Variants in PACRG observed in about 807,000 individuals in gnomAD.
PACRG encodes parkin coregulated, also known as parkin coregulated gene protein.
Under a neutral mutation model 29.7 loss-of-function variants are expected in PACRG, and 29 were observed. The observed-to-expected ratio is 0.98, with a 90% confidence interval of 0.73 to 1.33. The LOEUF is 1.33. PACRG is among the 40% of genes most tolerant of loss of function. The pLI, the probability that PACRG is intolerant of heterozygous loss-of-function variation, is 0.00. For synonymous variants in PACRG, 116 were observed against 118.7 expected, an observed-to-expected ratio of 0.98 and a Z score of 0.15; for missense variants, 279 against 316.2, an observed-to-expected ratio of 0.88 and a Z score of 0.89.
chr6:163,260,166 T>A (rs566445983), intron 4 of PACRG, among the ~76,000 whole-genome samples: 1 of 152,302 alleles, frequency 6.6e-6, no homozygotes, highest in African/African-American at 2.4e-5. Context: ...CCCAAGCACT[T>A]CCATGGAGCT....
rs552383803 is a variant in PACRG at position 163,273,104 on chromosome 6, G to A, written c.614-41723G>A. On this transcript the variant is annotated intron_variant, in intron 4 of 4. Transcript: ENST00000366888. Reference sequence around the variant, plus strand: ...GAGACGGGGTTTCACCGTTTTAGCCGGGATGGTCTCGATCTCCTGACCTCG... The same window carrying A: ...GAGACGGGGTTTCACCGTTTTAGCCAGGATGGTCTCGATCTCCTGACCTCG... Among the ~76,000 whole-genome samples the A allele has an allele frequency of 4.8e-5, 7 of 145,976 alleles. No individual in the cohort carries two copies. In the South Asian group the frequency reaches 6.3e-4, roughly 13 times the overall value.
intron 2 of PACRG, among the ~76,000 whole-genome samples, chr6:163,049,198 G>C (rs1222425429): frequency 1.2e-4 from 18 of 151,978 alleles, no homozygotes; most frequent in Admixed American, 7.9e-4. Flanking sequence ...AAACAGAATA[G>C]AAAGTCAAGA....
intron 4 of PACRG, among the ~76,000 whole-genome samples, chr6:163,132,053 C>A (rs1190112283): frequency 1.3e-5 from 2 of 152,102 alleles, no homozygotes; most frequent in Non-Finnish European, 2.9e-5. Context: ...TTTGGTTTGT[C>A]TAGCTGAATG....
intron 1 of PACRG, among the ~76,000 whole-genome samples, chr6:162,795,240 G>A (rs1321651440): frequency 6.6e-6 from 1 of 151,484 alleles, no homozygotes; most frequent in African/African-American, 2.4e-5. Context: ...GAGGGGTGGG[G>A]GGCAGAGTAG....
At chr6:162,823,147 GC>G (rs1464017181) in intron 2 of PACRG, among the ~76,000 whole-genome samples, 1 of 152,040 alleles carries the variant, frequency 6.6e-6, no homozygotes, top group Non-Finnish European at 1.5e-5. Context: ...ATTAAGACTA[GC>G]CTGATTTTAT....
chr6:163,150,347 C>T (rs930043849), intron 4 of PACRG, among the ~76,000 whole-genome samples: 1 of 152,166 alleles, frequency 6.6e-6, no homozygotes, highest in Admixed American at 6.5e-5. Context: ...CAGATCCCAG[C>T]AGGACACACC....
intron 4 of PACRG, among the ~76,000 whole-genome samples, chr6:163,193,402 G>C (rs897480197): frequency 6.6e-6 from 1 of 152,176 alleles, no homozygotes; most frequent in Non-Finnish European, 1.5e-5. Flanking sequence ...AAGAGTTAAG[G>C]TCAGAGTTGG....
At chr6:162,905,622 A>G (rs796218652) in intron 2 of PACRG, among the ~76,000 whole-genome samples, 13 of 152,258 alleles carry the variant, frequency 8.5e-5, no homozygotes, top group African/African-American at 3.1e-4. Flanking sequence ...AAAGGGAGAG[A>G]GGGAGACAGG....
intron 4 of PACRG, among the ~76,000 whole-genome samples, chr6:163,136,513 A>G (rs553687881): frequency 6.6e-6 from 1 of 152,220 alleles, no homozygotes; most frequent in African/African-American, 2.4e-5. Context: ...AACAAAGTGC[A>G]TATCTCCATT....
chr6:163,193,480 G>T (rs890218719), intron 4 of PACRG, among the ~76,000 whole-genome samples: 2 of 152,080 alleles, frequency 1.3e-5, no homozygotes, highest in Non-Finnish European at 2.9e-5. Flanking sequence ...CTATCAACAA[G>T]GCGATTGTTC....
chr6:162,912,572 C>CTTTT (rs745997012), intron 2 of PACRG, among the ~76,000 whole-genome samples: 1 of 137,080 alleles, frequency 7.3e-6, no homozygotes. Flanking sequence ...ATATTATATT[C>CTTTT]TTTTTTTTTT....
intron 2 of PACRG, among the ~76,000 whole-genome samples, chr6:163,035,962 A>G (rs1246704483): frequency 1.3e-5 from 2 of 152,122 alleles, no homozygotes; most frequent in Admixed American, 6.6e-5. Context: ...CCAGTACACC[A>G]CTGGGAACAA....
At chr6:163,050,134 A>C (rs2128246576) in intron 2 of PACRG, among the ~76,000 whole-genome samples, 1 of 152,150 alleles carries the variant, frequency 6.6e-6, no homozygotes, top group East Asian at 1.9e-4. Context: ...ATTCTACGTA[A>C]GTTTTTCTCT....
At chr6:162,880,895 G>A (rs1793781189) in intron 2 of PACRG, among the ~76,000 whole-genome samples, 1 of 151,100 alleles carries the variant, frequency 6.6e-6, no homozygotes, top group African/African-American at 2.5e-5. Context: ...GCATGCGCCA[G>A]GGGTGCATCG....
intron 2 of PACRG, among the ~76,000 whole-genome samples, chr6:162,913,510 TA>T (rs371911518): frequency 3.9e-5 from 6 of 152,220 alleles, no homozygotes; most frequent in African/African-American, 1.4e-4. Flanking sequence ...ATAAAGCTAC[TA>T]AAAGCATTCA....
At chr6:163,241,262 A>C (rs147105906) in intron 4 of PACRG, among the ~76,000 whole-genome samples, 1 of 152,334 alleles carries the variant, frequency 6.6e-6, no homozygotes, top group East Asian at 1.9e-4. Context: ...AAAAATCAGT[A>C]AAATATCTGA....
At chr6:163,164,744 G>A (rs1016868698) in intron 4 of PACRG, among the ~76,000 whole-genome samples, 1 of 152,164 alleles carries the variant, frequency 6.6e-6, no homozygotes, top group Non-Finnish European at 1.5e-5. Context: ...CAAACATTGT[G>A]AACTAGATAG....
chr6:163,117,239 T>G (rs1024769777), intron 4 of PACRG, among the ~76,000 whole-genome samples: 2 of 152,218 alleles, frequency 1.3e-5, no homozygotes, highest in African/African-American at 4.8e-5. Context: ...CTTGTGAATG[T>G]GGAACCCTTC....
At chr6:162,788,037 C>T (rs906881900) in intron 1 of PACRG, among the ~76,000 whole-genome samples, 44 of 152,200 alleles carry the variant, frequency 2.9e-4, no homozygotes, top group African/African-American at 8.7e-4. Flanking sequence ...CATTGTCCAC[C>T]ATGTTCATAG....
Sources: allele counts gnomAD v4.1 joint callset (sites outside exome capture counted in the v4.1 genomes callset), GRCh38; gene constraint gnomAD v4.1.1; transcripts MANE v1.5; gene names NCBI Gene and HGNC (gene_info 2026-07-23, HGNC 2026-07-21).